Variants in DPYSL3 observed in about 807,000 individuals in gnomAD.
DPYSL3 encodes dihydropyrimidinase-related protein 3.
DPYSL3 carries 16 observed loss-of-function variants against 66.1 expected under a neutral mutation model. The observed-to-expected ratio is 0.24, with a 90% CI of 0.16 to 0.37. The LOEUF is 0.37. Ranked by LOEUF, DPYSL3 falls within the 10% of genes least tolerant of loss-of-function variation. The probability of loss-of-function intolerance (pLI) is 1.00; values close to 1 mark genes in which losing one functional copy is unlikely to be tolerated. For missense variants in DPYSL3, 738 were observed against 916.2 expected, an observed-to-expected ratio of 0.81 and a Z score of 2.51; for synonymous variants, 338 against 345.1, an observed-to-expected ratio of 0.98 and a Z score of 0.23.
chr5:147,413,564 T>A, intron 5 of DPYSL3, 32 bp downstream of exon 5: 1 of 1,572,632 alleles, frequency 6.4e-7, no homozygotes, highest in Non-Finnish European at 8.7e-7. Context: ...CCCATCCAGA[T>A]ACCCCAAACC....
intron 1 of DPYSL3, among the ~76,000 whole-genome samples, chr5:147,506,666 C>T (rs947571916): frequency 2.6e-5 from 4 of 151,938 alleles, no homozygotes; most frequent in African/African-American, 7.3e-5. Context: ...ATACATGTAA[C>T]GGGCATTAAA....
intron 1 of DPYSL3, among the ~76,000 whole-genome samples, chr5:147,464,609 A>G (rs1014245018): frequency 6.6e-6 from 1 of 152,198 alleles, no homozygotes; most frequent in Non-Finnish European, 1.5e-5. Context: ...GGGTTCTTAT[A>G]TGTACTAACT....
chr5:147,401,528 T>C lies in DPYSL3; in HGVS notation c.1310+12A>G. On this transcript the variant is annotated intron_variant, in intron 9 of 13. Coordinates refer to ENST00000343218, the MANE Select transcript of DPYSL3 (RefSeq NM_001197294.2). Reference sequence around the variant, plus strand: ...TCACAAAACGCCTGCTGCTGGGCATTCCTGCACCAACCTGGCCAGCAAGGA... The same window carrying C: ...TCACAAAACGCCTGCTGCTGGGCATCCCTGCACCAACCTGGCCAGCAAGGA... 6.2e-7 allele frequency: 1 copy of C among 1,608,546 alleles called. No individual in the cohort carries two copies. Among genetic ancestry groups the C allele is most frequent in the Non-Finnish European group, 8.5e-7 (1 of 1,177,118 alleles).
rs1758306266 is a variant in DPYSL3, at chr5:147,405,596, G to A, written c.1153+14C>T. 5 of 1,607,094 alleles carry A rather than the reference G, an allele frequency of 3.1e-6. No individual in the cohort carries two copies. The highest frequency in any genetic ancestry group is 4.2e-6 in the Non-Finnish European group (5 of 1,176,692). On this transcript the variant is annotated intron_variant, in intron 8 of 13. Coordinates refer to ENST00000343218, the MANE Select transcript of DPYSL3 (RefSeq NM_001197294.2). ...TGCCATCAGGGGCTCCGAGATCTTG[G>A]AAACACAAATCACCTTTTTTCCTGG...
At chr5:147,471,179 T>C (rs1217027962) in intron 1 of DPYSL3, among the ~76,000 whole-genome samples, 1 of 152,094 alleles carries the variant, frequency 6.6e-6, no homozygotes, top group Admixed American at 6.5e-5. Flanking sequence ...AAAGTACTAA[T>C]GGGGAGGAGG....
At chr5:147,413,738 T>A (rs1362950602) in intron 4 of DPYSL3, 81 bp from the exon 5 acceptor site, 1 of 1,135,530 alleles carries the variant, frequency 8.8e-7, no homozygotes, top group Admixed American at 1.9e-5. Flanking sequence ...CCCACTTCCA[T>A]CGACCATAGC....
intron 1 of DPYSL3, among the ~76,000 whole-genome samples, chr5:147,471,083 A>G (rs1753080098): frequency 6.6e-6 from 1 of 152,110 alleles, no homozygotes. Context: ...ATACATATAA[A>G]CATGCATATA....
At chr5:147,407,996 A>G (rs1209403294) in intron 7 of DPYSL3, among the ~76,000 whole-genome samples, 1 of 152,140 alleles carries the variant, frequency 6.6e-6, no homozygotes, top group African/African-American at 2.4e-5. Context: ...AAGAGACAGG[A>G]TATGGGAATC....
Position 147,462,328 on chromosome 5 carries a change from C to T in DPYSL3, c.382-37365G>A, listed in dbSNP as rs185560361. On this transcript the variant is annotated intron_variant, in intron 1 of 13. Coordinates refer to ENST00000343218, the MANE Select transcript of DPYSL3 (RefSeq NM_001197294.2). ...ATCCTTTCCTCCACCATAATATAGT[C>T]TGAAAGATCTAGATTGTCTGGACAT... 3.6e-3 allele frequency among the ~76,000 whole-genome samples: 541 copies of T among 152,212 alleles called. 4 individuals are homozygous for T. Among genetic ancestry groups the T allele is most frequent in the Non-Finnish European group, 5.6e-3 (379 of 68,028 alleles).
chr5:147,473,332 C>T (rs1753110950), intron 1 of DPYSL3: 2 of 152,112 alleles, frequency 1.3e-5, no homozygotes, highest in Non-Finnish European at 2.9e-5. Context: ...AGCCAAGTTC[C>T]TCAGTAATAA....
rs577236322 is a variant in DPYSL3, at chr5:147,490,552, G to A, written c.381+18926C>T. Among the ~76,000 whole-genome samples, 3 of 152,226 alleles carry A rather than the reference G, an allele frequency of 2.0e-5. No homozygotes were observed. The South Asian group carries it at 6.2e-4, about 32-fold the overall frequency. On this transcript the variant is annotated intron_variant, in intron 1 of 13. Coordinates refer to ENST00000343218, the MANE Select transcript of DPYSL3 (RefSeq NM_001197294.2). ...ATCGAAATCTACAAAATAGTTTAAGGTTTCTGGCTTAGCATGTTAAGAAGC... is the reference window on the plus strand; with the variant it reads ...ATCGAAATCTACAAAATAGTTTAAGATTTCTGGCTTAGCATGTTAAGAAGC...
At chr5:147,395,983 G>C (rs1561769586) in intron 12 of DPYSL3, among the ~76,000 whole-genome samples, 1 of 152,152 alleles carries the variant, frequency 6.6e-6, no homozygotes, top group Non-Finnish European at 1.5e-5. Flanking sequence ...CTATGGGGTT[G>C]GGGTTGCCAG....
chr5:147,434,731 A>C (rs1380858795), intron 1 of DPYSL3, among the ~76,000 whole-genome samples: 1 of 107,456 alleles, frequency 9.3e-6, no homozygotes, highest in Admixed American at 1.3e-4. Flanking sequence ...AGTGGTTACC[A>C]GTTGGGGCGG....
intron 1 of DPYSL3, among the ~76,000 whole-genome samples, chr5:147,485,321 T>C (rs1753313641): frequency 6.6e-6 from 1 of 152,220 alleles, no homozygotes; most frequent in South Asian, 2.1e-4. Flanking sequence ...GTTTACTTAA[T>C]CTCTCTAAAC....
At chr5:147,465,887 C>T (rs2126416832) in intron 1 of DPYSL3, among the ~76,000 whole-genome samples, 1 of 152,278 alleles carries the variant, frequency 6.6e-6, no homozygotes, top group South Asian at 2.1e-4. Flanking sequence ...TCTTCCCTTC[C>T]ACAGATGTCG....
At chr5:147,423,069 C>A (rs1017958308) in intron 2 of DPYSL3, among the ~76,000 whole-genome samples, 3 of 152,130 alleles carry the variant, frequency 2.0e-5, no homozygotes, top group African/African-American at 7.2e-5. Flanking sequence ...AATGAGGAAG[C>A]ATTTGGTAAC....
At position 147,405,682 on chromosome 5, in the gene DPYSL3, T is replaced by C; in HGVS notation, c.1081A>G (p.Asn361Asp). Residue 361 changes from asparagine (N) to aspartate (D), a missense_variant, in exon 8 of 14, where the codon AAT becomes GAT. By Grantham distance (23) the Asn-to-Asp change is conservative. Coordinates refer to ENST00000343218, the MANE Select transcript of DPYSL3 (RefSeq NM_001197294.2). Reference protein sequence around the residue: ...FRAITIASQTNCPLYVTKVMS... With the variant: ...FRAITIASQTDCPLYVTKVMS... Reference sequence around the variant, plus strand: ...ACCTTTGTGACGTAGAGAGGGCAATTGGTTTGGCTGGCAATGGTGATGGCA... The same window carrying C: ...ACCTTTGTGACGTAGAGAGGGCAATCGGTTTGGCTGGCAATGGTGATGGCA... 6.2e-7 allele frequency: 1 copy of C among 1,614,048 alleles called. No homozygotes were observed.
rs952072860 is a variant in DPYSL3 at position 147,509,756 on chromosome 5, C to A, written c.103G>T (p.Gly35Cys). ...TTDQVPRQKY[G>C]GMFCNVEGAF... ...CCCTCCACGTTGCAGAACATGCCGCCGTATTTCTGCCGCGGGACCTGGTCC... is the reference window on the plus strand; with the variant it reads ...CCCTCCACGTTGCAGAACATGCCGCAGTATTTCTGCCGCGGGACCTGGTCC... Residue 35 changes from glycine (G) to cysteine (C), a missense_variant, in exon 1 of 14, where the codon GGC becomes TGC. By Grantham distance (159) the Gly-to-Cys change is radical. Transcript: ENST00000343218. This position sits in a 1 kb window ranked among gnomAD's most constrained non-coding sequence, Gnocchi z 5.3. 2 of 1,536,010 alleles carry A rather than the reference C, an allele frequency of 1.3e-6. No homozygotes were observed. Among genetic ancestry groups the A allele is most frequent in the Non-Finnish European group, 1.7e-6 (2 of 1,146,818 alleles).
intron 1 of DPYSL3, among the ~76,000 whole-genome samples, chr5:147,471,846 C>A (rs1753089962): frequency 6.6e-6 from 1 of 152,096 alleles, no homozygotes; most frequent in Admixed American, 6.6e-5. Context: ...CAGAAGTTAT[C>A]CTCAAAAGCC....
Sources: gnomAD v4.1 joint callset for allele counts (sites outside exome capture counted in the v4.1 genomes callset) on GRCh38, gnomAD v4.1.1 for gene constraint, Gnocchi (gnomAD v3.1) non-coding constraint, MANE v1.5 for transcripts, NCBI Gene and HGNC (gene_info 2026-07-23, HGNC 2026-07-21) for gene names.